The following SIPA1L1 variants were observed in gnomAD, a reference collection of about 807,000 sequenced individuals.
SIPA1L1 encodes signal induced proliferation associated 1 like 1, also known as signal-induced proliferation-associated 1-like protein 1.
A neutral mutation model predicts 162.7 loss-of-function variants in SIPA1L1; 26 were observed. That is an observed-to-expected ratio of 0.16 (90% CI 0.12 to 0.22). The LOEUF (loss-of-function observed/expected upper bound fraction) is 0.22. Among genes scored for constraint, SIPA1L1 ranks in the 10% least tolerant of loss-of-function variants. The pLI is 1.00. For missense variants in SIPA1L1, 1,874 were observed against 2,241.0 expected (o/e 0.84, Z 3.31); for synonymous variants, 829 against 837.4 (o/e 0.99, Z 0.17).
intron 4 of SIPA1L1, among the ~76,000 whole-genome samples, chr14:71,577,262 G>C (rs1159093350): frequency 6.6e-6 from 1 of 151,994 alleles, no homozygotes; most frequent in Non-Finnish European, 1.5e-5. Context: ...TGCAGAAGTG[G>C]TACACAGGCT....
chr14:71,736,573 C>T (rs558710675), intron 22 of SIPA1L1, among the ~76,000 whole-genome samples: 107 of 152,246 alleles, frequency 7.0e-4, no homozygotes, highest in Non-Finnish European at 1.4e-3. Flanking sequence ...CGAGAAGGCA[C>T]AAGAATAGGG....
At chr14:71,704,102 C>G (rs905296445) in intron 15 of SIPA1L1, among the ~76,000 whole-genome samples, 2 of 152,094 alleles carry the variant, frequency 1.3e-5, no homozygotes, top group African/African-American at 4.8e-5. Context: ...TCCAACCCTT[C>G]AAATAAAATA....
At position 71,696,127 on chromosome 14, in the gene SIPA1L1, T is replaced by G. The variant is rs527769994; in HGVS notation, c.3375-2854T>G. On this transcript the variant is annotated intron_variant, in intron 13 of 23. Coordinates refer to ENST00000381232, the MANE Select transcript of SIPA1L1 (RefSeq NM_001386936.1). ...CACTAGTACGTGGCCCCGCCATACC[T>G]GCCCCACGCATACACTACTTTGAGA... Among the ~76,000 whole-genome samples the G allele has an allele frequency of 1.4e-4, 22 of 152,332 alleles. 1 individual carries two copies. The East Asian group carries it at 4.2e-3, about 29-fold the overall frequency.
intron 2 of SIPA1L1, among the ~76,000 whole-genome samples, chr14:71,508,761 T>A (rs560465494): frequency 7.2e-5 from 11 of 152,276 alleles, no homozygotes; most frequent in South Asian, 6.2e-4. Context: ...TTTGTATGAA[T>A]TTTTTTTAGG....
intron 2 of SIPA1L1, among the ~76,000 whole-genome samples, chr14:71,375,963 G>A (rs2039334334): frequency 6.6e-6 from 1 of 152,002 alleles, no homozygotes; most frequent in African/African-American, 2.4e-5. Context: ...GATTTAATTT[G>A]CTAAAATTTT....
At chr14:71,683,699 G>A (rs757584704) in intron 12 of SIPA1L1, among the ~76,000 whole-genome samples, 20 of 152,230 alleles carry the variant, frequency 1.3e-4, no homozygotes, top group Admixed American at 5.2e-4. Context: ...AGTAGTATTC[G>A]TTAATATTAG....
intron 2 of SIPA1L1, among the ~76,000 whole-genome samples, chr14:71,457,687 C>A (rs2046289405): frequency 6.6e-6 from 1 of 151,952 alleles, no homozygotes; most frequent in South Asian, 2.1e-4. Context: ...CTCCGCCTCC[C>A]AGGTTCAATC....
chr14:71,341,026 A>G (rs1382568817), intron 2 of SIPA1L1, among the ~76,000 whole-genome samples: 1 of 152,264 alleles, frequency 6.6e-6, no homozygotes, highest in Non-Finnish European at 1.5e-5. Context: ...GAGAAAAGTC[A>G]TGGATAGTGT....
At chr14:71,629,679 G>A (rs550798241) in intron 7 of SIPA1L1, among the ~76,000 whole-genome samples, 2 of 152,342 alleles carry the variant, frequency 1.3e-5, no homozygotes, top group East Asian at 3.9e-4. Context: ...GTAAATGGTA[G>A]TGACTTTGCC....
chr14:71,496,860 T>G (rs28890570), intron 2 of SIPA1L1, among the ~76,000 whole-genome samples: 2,063 of 152,290 alleles, frequency 0.014, 42 homozygotes, highest in African/African-American at 0.047. Context: ...TATCTTAAAC[T>G]AAAAAGAGAA....
At chr14:71,387,437 C>T (rs140441984) in intron 2 of SIPA1L1, among the ~76,000 whole-genome samples, 4 of 152,058 alleles carry the variant, frequency 2.6e-5, no homozygotes, top group Non-Finnish European at 5.9e-5. Flanking sequence ...GATCATGCCA[C>T]CCTGTCTAAG....
intron 2 of SIPA1L1, among the ~76,000 whole-genome samples, chr14:71,394,969 G>T (rs1200886716): frequency 5.3e-5 from 8 of 152,008 alleles, no homozygotes; most frequent in Non-Finnish European, 1.2e-4. Context: ...TTTAATAATG[G>T]GGCTGCATTA....
At chr14:71,655,014 T>C (rs939573688) in intron 8 of SIPA1L1, among the ~76,000 whole-genome samples, 2 of 152,182 alleles carry the variant, frequency 1.3e-5, no homozygotes, top group South Asian at 2.1e-4. Flanking sequence ...TATTGCATAA[T>C]GCTGGGGCTT....
At chr14:71,661,565 C>T (rs773023946) in intron 10 of SIPA1L1, 98 bp downstream of exon 10, 2 of 1,246,718 alleles carry the variant, frequency 1.6e-6, no homozygotes, top group Non-Finnish European at 2.2e-6. Flanking sequence ...AATGGGAAGT[C>T]TATTACTATT....
intron 2 of SIPA1L1, among the ~76,000 whole-genome samples, chr14:71,329,036 G>A (rs1444818094): frequency 6.6e-6 from 1 of 152,170 alleles, no homozygotes; most frequent in African/African-American, 2.4e-5. Context: ...GTATTTGTCT[G>A]TGTCTGAATT....
At chr14:71,681,499 T>G (rs1189755421) in intron 12 of SIPA1L1, among the ~76,000 whole-genome samples, 4 of 152,214 alleles carry the variant, frequency 2.6e-5, no homozygotes, top group Non-Finnish European at 5.9e-5. Context: ...AAATTACCTC[T>G]TAAATAAGAA....
intron 2 of SIPA1L1, among the ~76,000 whole-genome samples, chr14:71,389,355 G>A (rs1021565396): frequency 6.6e-6 from 1 of 152,210 alleles, no homozygotes; most frequent in African/African-American, 2.4e-5. Context: ...ACTGGAAACT[G>A]TGCATTCCTT....
intron 12 of SIPA1L1, among the ~76,000 whole-genome samples, chr14:71,673,327 G>C (rs546543399): frequency 7.2e-5 from 11 of 152,190 alleles, no homozygotes; most frequent in Admixed American, 6.5e-4. Flanking sequence ...TTTCTCCTTT[G>C]GACATGCACA....
intron 4 of SIPA1L1, among the ~76,000 whole-genome samples, chr14:71,546,376 CTTTTTTTTTT>C (rs11480749): frequency 8.6e-6 from 1 of 116,932 alleles, no homozygotes; most frequent in African/African-American, 3.3e-5. Flanking sequence ...CTTTTTCTTT[CTTTTTTTTTT>C]TTTTTTTGAG....
Sources: allele counts gnomAD v4.1 joint callset (sites outside exome capture counted in the v4.1 genomes callset), GRCh38; gene constraint gnomAD v4.1.1; transcripts MANE v1.5; gene names NCBI Gene and HGNC (gene_info 2026-07-23, HGNC 2026-07-21).